The following POMGNT1 variants were observed in gnomAD, a reference collection of about 807,000 sequenced individuals.
POMGNT1 encodes protein O-linked-mannose beta-1,2-N-acetylglucosaminyltransferase 1.
Under a neutral mutation model 95.6 loss-of-function variants are expected in POMGNT1, and 67 were observed. That is an observed-to-expected ratio of 0.70 (90% CI 0.58 to 0.86). The LOEUF is 0.86. Among genes scored for constraint, POMGNT1 ranks in the 40% least tolerant of loss-of-function variants. The probability of loss-of-function intolerance (pLI) is 0.00; values close to 1 mark genes in which losing one functional copy is unlikely to be tolerated. For missense variants in POMGNT1, 719 were observed against 855.2 expected (o/e 0.84, Z 1.99); for synonymous variants, 298 against 317.9 (o/e 0.94, Z 0.66).
At chr1:46,192,800 C>A (rs1388180105) in intron 14 of POMGNT1, 100 bp downstream of exon 14, 3 of 1,594,026 alleles carry the variant, frequency 1.9e-6, no homozygotes, top group East Asian at 2.2e-5. Context: ...TTCGCCCCCA[C>A]TTGTGAGCTC....
chr1:46,190,529 G>T lies in POMGNT1; in HGVS notation c.1605-12C>A, dbSNP rs1255591571. ...CTTCTTTCTTCAGACTGAAGAGGAG[G>T]GAGAAATGGGTCAGGGGAGTGGGCA... On this transcript the variant is annotated splice_polypyrimidine_tract_variant and intron_variant, in intron 18 of 21. Coordinates refer to ENST00000371984, the MANE Select transcript of POMGNT1 (RefSeq NM_017739.4). 3 of 1,600,206 alleles carry T rather than the reference G, an allele frequency of 1.9e-6. No homozygotes were observed. Among genetic ancestry groups the T allele is most frequent in the Non-Finnish European group, 2.6e-6 (3 of 1,167,432 alleles).
intron 1 of POMGNT1, among the ~76,000 whole-genome samples, chr1:46,207,089 T>A (rs1193589894): frequency 6.6e-6 from 1 of 152,062 alleles, no homozygotes; most frequent in Non-Finnish European, 1.5e-5. Context: ...CTTCTATTTT[T>A]TTTTTTTTGA....
At chr1:46,197,540 A>T (rs1658341789) in intron 2 of POMGNT1, 162 bp downstream of exon 2, 1 of 965,976 alleles carries the variant, frequency 1.0e-6, no homozygotes, top group South Asian at 4.8e-5. Flanking sequence ...CTTTGGGTTC[A>T]AATCATTACC....
intron 2 of POMGNT1, chr1:46,197,440 C>CAG: frequency 6.7e-7 from 1 of 1,492,604 alleles, no homozygotes; most frequent in Non-Finnish European, 8.9e-7. Context: ...AACTGCCTCA[C>CAG]AGGGGTGTGC....
Position 46,192,609 on chromosome 1 carries a change from A to G in POMGNT1, c.1212-19T>C. On this transcript the variant is annotated intron_variant, in intron 14 of 21. Coordinates refer to ENST00000371984, the MANE Select transcript of POMGNT1 (RefSeq NM_017739.4). The stretch of plus-strand genomic sequence containing the variant: ...CAGGAAACTGAGAGAGGCAGGGTCA[A>G]AGAGTTCAGGGAGGGACAAGGATAA... The G allele has an allele frequency of 6.2e-7, 1 of 1,613,516 alleles. No individual in the cohort carries two copies. Among genetic ancestry groups the G allele is most frequent in the Non-Finnish European group, 8.5e-7 (1 of 1,179,846 alleles).
chr1:46,214,137 G>A (rs1276683231), intron 1 of POMGNT1, among the ~76,000 whole-genome samples: 2 of 152,114 alleles, frequency 1.3e-5, no homozygotes, highest in African/African-American at 4.8e-5. Flanking sequence ...CTTGAGGTCA[G>A]GAATTTGAGA....
chr1:46,203,809 C>G (rs1053885181), intron 1 of POMGNT1, among the ~76,000 whole-genome samples: 1 of 152,046 alleles, frequency 6.6e-6, no homozygotes, highest in Non-Finnish European at 1.5e-5. Context: ...ATTACTTGTC[C>G]CCCAAGAGTG....
chr1:46,201,558 G>T (rs1014150892), upstream of POMGNT1, among the ~76,000 whole-genome samples: 6 of 151,870 alleles, frequency 4.0e-5, no homozygotes, highest in Admixed American at 6.6e-5. Context: ...AATTAGTCGG[G>T]CATGGTGGCA....
chr1:46,204,520 G>C (rs1658652885), intron 1 of POMGNT1, among the ~76,000 whole-genome samples: 1 of 144,284 alleles, frequency 6.9e-6, no homozygotes, highest in East Asian at 1.9e-4. Flanking sequence ...CAGTGAGTAC[G>C]TCAGCTAAAG....
intron 17 of POMGNT1, 106 bp from the exon 18 acceptor site, chr1:46,190,890 T>G: frequency 9.5e-7 from 1 of 1,049,628 alleles, no homozygotes; most frequent in Non-Finnish European, 1.5e-6. Flanking sequence ...GTCCTAGACC[T>G]GTAAAGAGCC....
chr1:46,193,271 G>GT (rs1557673178), intron 12 of POMGNT1, 34 bp downstream of exon 12: 10 of 1,613,960 alleles, frequency 6.2e-6, no homozygotes, highest in Non-Finnish European at 8.5e-6. Context: ...GCAGAGCCAG[G>GT]TGTCTGCCCC....
At chr1:46,205,564 C>T (rs1658685912) in intron 1 of POMGNT1, among the ~76,000 whole-genome samples, 2 of 152,354 alleles carry the variant, frequency 1.3e-5, no homozygotes, top group South Asian at 2.1e-4. Flanking sequence ...GGAAGAGCCA[C>T]GCCCAGTCTC....
At chr1:46,214,251 C>G (rs1658992028) in intron 1 of POMGNT1, among the ~76,000 whole-genome samples, 1 of 151,454 alleles carries the variant, frequency 6.6e-6, no homozygotes, top group Admixed American at 6.6e-5. Flanking sequence ...AAGGTTGAGG[C>G]ATGAGAATCG....
upstream of POMGNT1, among the ~76,000 whole-genome samples, chr1:46,199,968 G>C (rs757044984): frequency 3.9e-5 from 6 of 152,124 alleles, no homozygotes; most frequent in Non-Finnish European, 5.9e-5. Context: ...TCAGGAGTTT[G>C]AGACCAGCCT....
chr1:46,215,202 G>A (rs1394000754), intron 1 of POMGNT1, among the ~76,000 whole-genome samples: 2 of 149,366 alleles, frequency 1.3e-5, no homozygotes, highest in Non-Finnish European at 1.5e-5. Context: ...CTCTAGCCTG[G>A]GCGACACAAC....
chr1:46,204,173 G>T (rs1432351329), intron 1 of POMGNT1, among the ~76,000 whole-genome samples: 2 of 152,104 alleles, frequency 1.3e-5, no homozygotes, highest in African/African-American at 4.8e-5. Flanking sequence ...TAAAATAATG[G>T]AAAGTTCCTA....
At chr1:46,212,625 A>G (rs559946725) in intron 1 of POMGNT1, among the ~76,000 whole-genome samples, 2 of 147,490 alleles carry the variant, frequency 1.4e-5, no homozygotes, top group African/African-American at 5.0e-5. Context: ...CACCCAAGCT[A>G]TAGTACAGTG....
At chr1:46,195,788 AG>A in intron 6 of POMGNT1, 22 bp downstream of exon 6, 1 of 1,563,474 alleles carries the variant, frequency 6.4e-7, no homozygotes, top group South Asian at 1.2e-5. Context: ...AGTAGGGGTC[AG>A]GGTCAGGACA....
chr1:46,205,979 C>A (rs1376122196), intron 1 of POMGNT1, among the ~76,000 whole-genome samples: 1 of 152,236 alleles, frequency 6.6e-6, no homozygotes, highest in Non-Finnish European at 1.5e-5. Context: ...CAAGGTCAGT[C>A]CTGCCTCTAG....
Sources: allele counts gnomAD v4.1 joint callset (sites outside exome capture counted in the v4.1 genomes callset), GRCh38; gene constraint gnomAD v4.1.1; transcripts MANE v1.5; gene names NCBI Gene and HGNC (gene_info 2026-07-23, HGNC 2026-07-21).